The following SORCS1 variants were observed in gnomAD, a reference collection of about 807,000 sequenced individuals.
SORCS1 encodes VPS10 domain-containing receptor SorCS1.
A neutral mutation model predicts 146.1 loss-of-function variants in SORCS1; 60 were observed. The observed-to-expected ratio is 0.41, with a 90% CI of 0.33 to 0.51. The LOEUF (loss-of-function observed/expected upper bound fraction) is 0.51, where lower values mean the gene tolerates loss of function less well. SORCS1 is among the 20% of genes least tolerant of loss of function. The probability of loss-of-function intolerance (pLI) is 0.21; values close to 1 mark genes in which losing one functional copy is unlikely to be tolerated. For synonymous variants in SORCS1, 637 were observed against 584.0 expected, an observed-to-expected ratio of 1.09 and a Z score of -1.31; for missense variants, 1,352 against 1,487.6, an observed-to-expected ratio of 0.91 and a Z score of 1.50.
At chr10:107,088,616 C>G (rs560244516) in intron 1 of SORCS1, among the ~76,000 whole-genome samples, 48 of 152,304 alleles carry the variant, frequency 3.2e-4, no homozygotes, top group African/African-American at 1.1e-3. Flanking sequence ...CAGCTCTGAT[C>G]GCTACTGCTG....
At chr10:106,779,528 G>C (rs1214761987) in intron 3 of SORCS1, among the ~76,000 whole-genome samples, 1 of 146,342 alleles carries the variant, frequency 6.8e-6, no homozygotes, top group Non-Finnish European at 1.5e-5. Flanking sequence ...TTTCTTTTAA[G>C]TTTGACATTA....
At chr10:106,658,069 G>A (rs754435784) in intron 17 of SORCS1, among the ~76,000 whole-genome samples, 1 of 152,118 alleles carries the variant, frequency 6.6e-6, no homozygotes, top group Non-Finnish European at 1.5e-5. Context: ...GTCTTAAGAT[G>A]AAATCCAATT....
At chr10:106,791,187 C>T (rs1946303300) in intron 3 of SORCS1, among the ~76,000 whole-genome samples, 1 of 152,170 alleles carries the variant, frequency 6.6e-6, no homozygotes, top group Non-Finnish European at 1.5e-5. Context: ...TTTAAAGCCG[C>T]ACTTCGAAGA....
At chr10:106,687,870 T>C (rs1228055265) in intron 10 of SORCS1, among the ~76,000 whole-genome samples, 2 of 152,118 alleles carry the variant, frequency 1.3e-5, no homozygotes, top group South Asian at 2.1e-4. Context: ...CATGAGAAAA[T>C]AGGTTGTTCA....
chr10:106,989,524 TCTTTCTA>T (rs993391486), intron 1 of SORCS1, among the ~76,000 whole-genome samples: 1 of 152,002 alleles, frequency 6.6e-6, no homozygotes, highest in African/African-American at 2.4e-5. Context: ...TTCCCAGCAG[TCTTTCTA>T]CTTTCTAATC....
intron 1 of SORCS1, among the ~76,000 whole-genome samples, chr10:107,006,742 G>C (rs988209977): frequency 2.6e-5 from 4 of 152,190 alleles, no homozygotes; most frequent in Admixed American, 1.3e-4. Flanking sequence ...GCGTGAACCT[G>C]GGAGGCGGAG....
intron 1 of SORCS1, among the ~76,000 whole-genome samples, chr10:107,110,215 T>C (rs926996357): frequency 6.6e-6 from 1 of 152,204 alleles, no homozygotes; most frequent in African/African-American, 2.4e-5. Flanking sequence ...TTACCCAGTT[T>C]CAAAGTTGCT....
intron 3 of SORCS1, among the ~76,000 whole-genome samples, chr10:106,816,319 C>T (rs1452845872): frequency 1.3e-5 from 2 of 152,220 alleles, no homozygotes; most frequent in Non-Finnish European, 2.9e-5. Context: ...GCTCCAAATG[C>T]CCTAAACCTA....
intron 18 of SORCS1, among the ~76,000 whole-genome samples, chr10:106,635,836 A>C (rs1467272539): frequency 6.6e-6 from 1 of 152,158 alleles, no homozygotes; most frequent in East Asian, 1.9e-4. Flanking sequence ...AGCGGCACTG[A>C]GTGACAGAAA....
Position 106,688,265 on chromosome 10 carries a change from T to C in SORCS1, c.1487A>G (p.Asn496Ser). 1 of 1,614,068 alleles carries C rather than the reference T, an allele frequency of 6.2e-7. No homozygotes were observed. The highest frequency in any genetic ancestry group is 8.5e-7 in the Non-Finnish European group (1 of 1,179,940). ...DNQVKTFITY[N>S]KGRDWRLLQA... ...CAGCAAACGCCAGTCTCTGCCTTTG[T>C]TATATGTGATGAAAGTCTTCACTTG... Residue 496 changes from asparagine to serine, a missense_variant, in exon 10 of 26, where the codon AAC becomes AGC. Asn to Ser is a conservative substitution (Grantham distance 46). Coordinates refer to ENST00000263054, the MANE Select transcript of SORCS1 (RefSeq NM_052918.5).
intron 5 of SORCS1, among the ~76,000 whole-genome samples, chr10:106,739,279 A>T (rs574972464): frequency 1.3e-5 from 2 of 151,836 alleles, no homozygotes; most frequent in Non-Finnish European, 2.9e-5. Context: ...TTAGGTCAGG[A>T]GTTTGAGACC....
At chr10:106,789,952 G>A (rs1204342895) in intron 3 of SORCS1, among the ~76,000 whole-genome samples, 1 of 152,218 alleles carries the variant, frequency 6.6e-6, no homozygotes, top group African/African-American at 2.4e-5. Flanking sequence ...GGAGAAAGAA[G>A]AGGTGAGCAA....
chr10:106,582,158 C>T (rs1261610174), intron 24 of SORCS1, among the ~76,000 whole-genome samples: 1 of 151,984 alleles, frequency 6.6e-6, no homozygotes, highest in African/African-American at 2.4e-5. Flanking sequence ...CACACACACA[C>T]ATGAACCTTT....
rs553876790 is a variant in SORCS1 at position 106,674,034 on chromosome 10, A to G, written c.1940+1015T>C. On this transcript the variant is annotated intron_variant, in intron 14 of 25. Coordinates refer to ENST00000263054, the MANE Select transcript of SORCS1 (RefSeq NM_052918.5). ...TCTACCATTAAAAAGCAGAAGTGGTAGGCCAGGCGTGGTGGCTCACACCTG... is the reference window on the plus strand; with the variant it reads ...TCTACCATTAAAAAGCAGAAGTGGTGGGCCAGGCGTGGTGGCTCACACCTG... 2.0e-5 allele frequency among the ~76,000 whole-genome samples: 3 copies of G among 151,836 alleles called. No individual in the cohort carries two copies. In the East Asian group the frequency reaches 5.8e-4, roughly 29 times the overall value.
intron 17 of SORCS1, among the ~76,000 whole-genome samples, chr10:106,656,394 CA>C (rs1052121838): frequency 1.3e-5 from 2 of 151,978 alleles, no homozygotes; most frequent in Admixed American, 1.3e-4. Context: ...ACTAAAAATA[CA>C]AAAAAATTAG....
chr10:106,619,652 A>G (rs959472865), intron 20 of SORCS1, among the ~76,000 whole-genome samples: 3 of 152,074 alleles, frequency 2.0e-5, no homozygotes, highest in African/African-American at 7.2e-5. Context: ...GGTGTAGAGG[A>G]AAGAAACATT....
intron 3 of SORCS1, among the ~76,000 whole-genome samples, chr10:106,798,750 G>A (rs1002466477): frequency 1.1e-4 from 16 of 152,264 alleles, no homozygotes; most frequent in Admixed American, 8.5e-4. Context: ...ATAAACATAC[G>A]TATGCATGTG....
At chr10:107,172,002 C>A in the SORCS1 span, among the ~76,000 whole-genome samples, 1 of 152,056 alleles carries the variant, frequency 6.6e-6, no homozygotes, top group African/African-American at 2.4e-5. Context: ...TTAGCTGAGG[C>A]CTGTTCATTT....
intron 6 of SORCS1, among the ~76,000 whole-genome samples, chr10:106,718,241 A>T (rs2135915429): frequency 6.6e-6 from 1 of 152,336 alleles, no homozygotes; most frequent in East Asian, 1.9e-4. Flanking sequence ...AACCTAGTTT[A>T]GTTGGGTAAA....
Sources: gnomAD v4.1 joint callset for allele counts (sites outside exome capture counted in the v4.1 genomes callset) on GRCh38, gnomAD v4.1.1 for gene constraint, MANE v1.5 for transcripts, NCBI Gene and HGNC (gene_info 2026-07-23, HGNC 2026-07-21) for gene names.